The following BMP5 variants were observed in gnomAD, a reference collection of about 807,000 sequenced individuals.
BMP5 encodes the protein bone morphogenetic protein 5.
In BMP5, 23 loss-of-function variants were observed where a neutral mutation model predicts 46.6. The ratio of observed to expected loss-of-function variants is 0.49; its 90% confidence interval spans 0.35 to 0.70. The LOEUF (loss-of-function observed/expected upper bound fraction) is 0.70. Among genes scored for constraint, BMP5 ranks in the 30% least tolerant of loss-of-function variants. BMP5 has a pLI of 0.00. For synonymous variants in BMP5, 204 were observed against 191.9 expected, an observed-to-expected ratio of 1.06 and a Z score of -0.52; for missense variants, 545 against 565.6, an observed-to-expected ratio of 0.96 and a Z score of 0.37.
At chr6:55,822,318 A>T (rs1324603776) in intron 1 of BMP5, among the ~76,000 whole-genome samples, 1 of 152,162 alleles carries the variant, frequency 6.6e-6, no homozygotes, top group Non-Finnish European at 1.5e-5. Context: ...TTTTGACAGA[A>T]GAACCAGAAG....
chr6:55,777,139 G>T (rs960511563), intron 3 of BMP5, among the ~76,000 whole-genome samples: 1 of 151,816 alleles, frequency 6.6e-6, no homozygotes, highest in Non-Finnish European at 1.5e-5. Flanking sequence ...CACCATAGAT[G>T]CATTAACTAT....
chr6:55,853,254 T>A (rs1416825723), intron 1 of BMP5, among the ~76,000 whole-genome samples: 1 of 151,488 alleles, frequency 6.6e-6, no homozygotes, highest in African/African-American at 2.4e-5. Flanking sequence ...TGTTGCTAAT[T>A]TGTGATAGAT....
chr6:55,832,014 G>A (rs184424337), intron 1 of BMP5, among the ~76,000 whole-genome samples: 10 of 152,224 alleles, frequency 6.6e-5, no homozygotes, highest in Non-Finnish European at 1.3e-4. Context: ...TCCAAGTATA[G>A]GAGGCAAATA....
chr6:55,869,478 CA>C (rs202132411), intron 1 of BMP5, among the ~76,000 whole-genome samples: 2 of 149,442 alleles, frequency 1.3e-5, no homozygotes, highest in African/African-American at 2.5e-5. Context: ...TATCTCTTTT[CA>C]AAAAAAAATA....
At chr6:55,846,196 A>T (rs1372909896) in intron 1 of BMP5, among the ~76,000 whole-genome samples, 1 of 152,056 alleles carries the variant, frequency 6.6e-6, no homozygotes, top group Non-Finnish European at 1.5e-5. Flanking sequence ...AATACCAGTA[A>T]TTCAGTGAAT....
chr6:55,791,824 T>C (rs893593425), intron 3 of BMP5, among the ~76,000 whole-genome samples: 4 of 152,146 alleles, frequency 2.6e-5, no homozygotes, highest in Non-Finnish European at 4.4e-5. Flanking sequence ...TAGTTAGACA[T>C]TTCAAGCATA....
At chr6:55,818,066 A>C (rs1217197498) in intron 2 of BMP5, among the ~76,000 whole-genome samples, 1 of 152,214 alleles carries the variant, frequency 6.6e-6, no homozygotes, top group African/African-American at 2.4e-5. Context: ...CCATACTGTG[A>C]TAACATAAAG....
chr6:55,796,668 A>G (rs975952108), intron 2 of BMP5, among the ~76,000 whole-genome samples: 6 of 96,234 alleles, frequency 6.2e-5, no homozygotes, highest in Admixed American at 1.5e-4. Flanking sequence ...ACCCCACAAC[A>G]GTCCCCAGAG....
chr6:55,827,695 TAC>T (rs1181146688), intron 1 of BMP5, among the ~76,000 whole-genome samples: 1 of 151,822 alleles, frequency 6.6e-6, no homozygotes, highest in Non-Finnish European at 1.5e-5. Context: ...TAGAAGCAAA[TAC>T]ACATCTTTTT....
intron 4 of BMP5, among the ~76,000 whole-genome samples, chr6:55,764,571 CAA>C (rs57293392): frequency 2.0e-3 from 215 of 110,164 alleles, no homozygotes; most frequent in South Asian, 5.0e-3. Flanking sequence ...GACTCTGTCT[CAA>C]AAAAAAAAAA....
At chr6:55,762,162 T>C (rs1263840583) in intron 4 of BMP5, among the ~76,000 whole-genome samples, 2 of 152,268 alleles carry the variant, frequency 1.3e-5, no homozygotes, top group East Asian at 3.9e-4. Context: ...TTGTCTTGTG[T>C]TGGGTTTGCT....
At chr6:55,793,949 A>G (rs1775638944) in intron 3 of BMP5, among the ~76,000 whole-genome samples, 1 of 152,142 alleles carries the variant, frequency 6.6e-6, no homozygotes, top group Non-Finnish European at 1.5e-5. Context: ...TTGTGTAACC[A>G]CCACAACTAT....
intron 1 of BMP5, among the ~76,000 whole-genome samples, chr6:55,846,206 T>G (rs932893999): frequency 6.6e-6 from 1 of 152,036 alleles, no homozygotes; most frequent in Non-Finnish European, 1.5e-5. Context: ...ATTCAGTGAA[T>G]GTTCAACTTG....
Position 55,837,578 on chromosome 6 carries a change from G to A in BMP5, c.491-17731C>T, listed in dbSNP as rs551021892. Among the ~76,000 whole-genome samples the A allele has an allele frequency of 3.3e-5, 5 of 152,040 alleles. No individual in the cohort carries two copies. In the South Asian group the frequency reaches 1.0e-3, roughly 32 times the overall value. On this transcript the variant is annotated intron_variant, in intron 1 of 6. Coordinates refer to ENST00000370830, the MANE Select transcript of BMP5 (RefSeq NM_021073.4). ...GGATACATGAGATGTTTCAATACTG[G>A]CAGGTAATGTGAAATAAGCACATCA...
At chr6:55,853,141 AT>A (rs1777288975) in intron 1 of BMP5, among the ~76,000 whole-genome samples, 1 of 9,516 alleles carries the variant, frequency 1.1e-4, no homozygotes, top group Non-Finnish European at 1.6e-4. Flanking sequence ...AAATACATAA[AT>A]AAAATAAAAT....
At chr6:55,865,855 T>C (rs1040614521) in intron 1 of BMP5, among the ~76,000 whole-genome samples, 3 of 152,102 alleles carry the variant, frequency 2.0e-5, no homozygotes, top group Non-Finnish European at 4.4e-5. Context: ...GATGAGGAAA[T>C]AGTTTCAACG....
chr6:55,817,476 C>G (rs953266426), intron 2 of BMP5, among the ~76,000 whole-genome samples: 1 of 152,114 alleles, frequency 6.6e-6, no homozygotes, highest in Admixed American at 6.5e-5. Flanking sequence ...TAGAAACCAT[C>G]ATTCCCAGCA....
intron 1 of BMP5, among the ~76,000 whole-genome samples, chr6:55,825,681 G>A (rs948252029): frequency 1.3e-5 from 2 of 151,628 alleles, no homozygotes; most frequent in African/African-American, 4.8e-5. Context: ...AATTGTCCTG[G>A]GCTAAATATT....
chr6:55,863,575 T>C (rs935716960), intron 1 of BMP5, among the ~76,000 whole-genome samples: 1 of 152,184 alleles, frequency 6.6e-6, no homozygotes, highest in Non-Finnish European at 1.5e-5. Context: ...TTGTTGTTAT[T>C]ATTCCTTTAA....
Sources: gnomAD v4.1 joint callset for allele counts (sites outside exome capture counted in the v4.1 genomes callset) on GRCh38, gnomAD v4.1.1 for gene constraint, MANE v1.5 for transcripts, NCBI Gene and HGNC (gene_info 2026-07-23, HGNC 2026-07-21) for gene names.